The following RTKN2 variants were observed in gnomAD, a reference collection of about 807,000 sequenced individuals.
RTKN2 encodes rhotekin 2.
Under a neutral mutation model 71.5 loss-of-function variants are expected in RTKN2, and 69 were observed. The ratio of observed to expected loss-of-function variants is 0.96; its 90% CI spans 0.79 to 1.18. The LOEUF (loss-of-function observed/expected upper bound fraction) is 1.18, where lower values mean the gene tolerates loss of function less well. Among genes scored for constraint, RTKN2 ranks in the 50% most tolerant of loss-of-function variants. RTKN2 has a pLI of 0.00. For missense variants in RTKN2, 724 were observed against 719.7 expected (o/e 1.01, Z -0.07); for synonymous variants, 236 against 236.5 (o/e 1.00, Z 0.02).
In RTKN2 at chr10:62,193,483, T is replaced by A. The variant is rs1172692397; in HGVS notation, c.*4425A>T. 1 of 982,998 alleles carries A rather than the reference T, an allele frequency of 1.0e-6. No homozygotes were observed. The highest frequency in any genetic ancestry group is 1.7e-5 in the African/African-American group (1 of 57,186). The allele number at this position is 982,998 out of a possible 1,614,324, so 60.9% of individuals were successfully genotyped here. On this transcript the variant is annotated 3_prime_UTR_variant, in exon 12 of 12. Coordinates refer to ENST00000373789, the MANE Select transcript of RTKN2 (RefSeq NM_145307.4). ...TTGTTAATTGAATGTAAAGGTAGTTTGTTTCTCTAAGCACATTGATTAGTA... is the reference window on the plus strand; with the variant it reads ...TTGTTAATTGAATGTAAAGGTAGTTAGTTTCTCTAAGCACATTGATTAGTA...
chr10:62,268,665 AGCCCGCCCCT>A lies in RTKN2; in HGVS notation c.-65_-56del. On this transcript the variant is annotated 5_prime_UTR_variant, in exon 1 of 12. Coordinates refer to ENST00000373789, the MANE Select transcript of RTKN2 (RefSeq NM_145307.4). The stretch of plus-strand genomic sequence containing the variant: ...ACTCCTTCAAAGGGAAGATTTGAAA[AGCCCGCCCCT>A]GGCAGGAGCCGCAGAGGACGCCAAC... 1 of 1,520,526 alleles carries A rather than the reference AGCCCGCCCCT, an allele frequency of 6.6e-7. No individual in the cohort carries two copies. The highest frequency in any genetic ancestry group is 8.9e-7 in the Non-Finnish European group (1 of 1,124,080). The allele number at this position is 1,520,526 out of a possible 1,614,324, so 94.2% of individuals were successfully genotyped here.
Position 62,198,335 on chromosome 10 carries a change from G to A in RTKN2, c.1403C>T (p.Pro468Leu), listed in dbSNP as rs1446395534. 1.9e-6 allele frequency: 3 copies of A among 1,613,652 alleles called. No individual in the cohort carries two copies. The African/African-American group carries it at 4.0e-5, about 22-fold the overall frequency. Residue 468 changes from proline (P) to leucine (L), a missense_variant, in exon 12 of 12, where the codon CCT (proline) becomes CTT (leucine). By Grantham distance (98) the Pro-to-Leu change is moderately conservative. Transcript: ENST00000373789. Reference sequence around the variant, plus strand: ...ACCATCAAAGAGTGTGGCCCAAGGAGGTGGTAAGGATTCTTCATGCTGACC... The same window carrying A: ...ACCATCAAAGAGTGTGGCCCAAGGAAGTGGTAAGGATTCTTCATGCTGACC... ...LIGQHEESLP[P>L]PWATLFDGNH...
At chr10:62,205,817 TG>T (rs1841538028) in intron 9 of RTKN2, among the ~76,000 whole-genome samples, 1 of 152,090 alleles carries the variant, frequency 6.6e-6, no homozygotes, top group Admixed American at 6.5e-5. Flanking sequence ...CCATGCCACA[TG>T]GTAAGCTGGC....
At chr10:62,266,128 C>T (rs187882641) in intron 1 of RTKN2, among the ~76,000 whole-genome samples, 44 of 152,220 alleles carry the variant, frequency 2.9e-4, no homozygotes, top group Admixed American at 2.7e-3. Context: ...ACTGTCCTGA[C>T]GCTATAAGTA....
rs768623071 is a variant in RTKN2 at position 62,236,089 on chromosome 10, G to A, written c.663C>T (p.Cys221=). The stretch of plus-strand genomic sequence containing the variant: ...ACAAAACAGCAGAGCTGAGGAGCAA[G>A]CACATTTCATCATCCTCTTCTTGAA... The part of the protein sequence containing the change: ...SVLQEEDDEM[C]LLLSSAVFGV... Residue 221 remains cysteine (C), a synonymous_variant, in exon 6 of 12, where the codon TGC becomes TGT. Coordinates refer to ENST00000373789, the MANE Select transcript of RTKN2 (RefSeq NM_145307.4). 27 of 1,611,946 alleles carry A rather than the reference G, an allele frequency of 1.7e-5. No homozygotes were observed. Among genetic ancestry groups the A allele is most frequent in the Middle Eastern group, 1.7e-4 (1 of 5,962 alleles).
chr10:62,268,430 G>T (rs1842905007), intron 1 of RTKN2, 121 bp downstream of exon 1: 17 of 965,934 alleles, frequency 1.8e-5, no homozygotes, highest in Admixed American at 1.4e-4. Context: ...CTTTGTTTCT[G>T]GCCACCGCTG....
At chr10:62,205,286 T>A (rs1174474846) in intron 9 of RTKN2, among the ~76,000 whole-genome samples, 1 of 152,188 alleles carries the variant, frequency 6.6e-6, no homozygotes, top group African/African-American at 2.4e-5. Context: ...TTACATGAGA[T>A]TAAAACATAA....
At chr10:62,200,411 A>G (rs1332850170) in intron 10 of RTKN2, among the ~76,000 whole-genome samples, 1 of 150,942 alleles carries the variant, frequency 6.6e-6, no homozygotes, top group Admixed American at 6.6e-5. Context: ...AAGTACTTCT[A>G]TGCAAAGACA....
chr10:62,233,433 T>C (rs1842191900), intron 6 of RTKN2, among the ~76,000 whole-genome samples: 2 of 152,166 alleles, frequency 1.3e-5, no homozygotes, highest in Non-Finnish European at 2.9e-5. Flanking sequence ...GTCTTAGATC[T>C]AAGAGAAGAA....
At chr10:62,203,134 T>A (rs991332036) in intron 10 of RTKN2, among the ~76,000 whole-genome samples, 1 of 151,944 alleles carries the variant, frequency 6.6e-6, no homozygotes, top group African/African-American at 2.4e-5. Flanking sequence ...CACTCCAGCC[T>A]GGGCAAGAAG....
intron 7 of RTKN2, among the ~76,000 whole-genome samples, chr10:62,220,899 C>A (rs944177585): frequency 6.6e-6 from 1 of 151,578 alleles, no homozygotes; most frequent in Non-Finnish European, 1.5e-5. Flanking sequence ...CAATATTCAA[C>A]AAGAAAAAAT....
intron 2 of RTKN2, among the ~76,000 whole-genome samples, chr10:62,257,520 C>G (rs566247039): frequency 6.6e-6 from 1 of 152,284 alleles, no homozygotes; most frequent in Non-Finnish European, 1.5e-5. Context: ...AGATATGGCA[C>G]TTCAGTGTAA....
At chr10:62,224,544 A>G (rs1198864706) in intron 6 of RTKN2, among the ~76,000 whole-genome samples, 1 of 152,152 alleles carries the variant, frequency 6.6e-6, no homozygotes, top group Non-Finnish European at 1.5e-5. Flanking sequence ...TGGGCATTCA[A>G]TGGTAAACAA....
At chr10:62,225,273 A>C (rs79483756) in intron 6 of RTKN2, among the ~76,000 whole-genome samples, 7,715 of 152,300 alleles carry the variant, frequency 0.051, 222 homozygotes, top group African/African-American at 0.071. Flanking sequence ...AAGGTAGGAG[A>C]CTAATTTTGA....
At chr10:62,245,647 C>T (rs1842464328) in intron 3 of RTKN2, among the ~76,000 whole-genome samples, 1 of 152,090 alleles carries the variant, frequency 6.6e-6, no homozygotes, top group African/African-American at 2.4e-5. Flanking sequence ...ACATTAAAAA[C>T]ATTATTATAG....
intron 3 of RTKN2, among the ~76,000 whole-genome samples, chr10:62,243,138 C>G (rs1162075492): frequency 9.0e-6 from 1 of 111,662 alleles, no homozygotes; most frequent in African/African-American, 3.5e-5. Context: ...CCCCCCTCCC[C>G]CCACCCCACA....
At chr10:62,211,116 G>A (rs560500874) in intron 9 of RTKN2, among the ~76,000 whole-genome samples, 15 of 151,988 alleles carry the variant, frequency 9.9e-5, no homozygotes, top group Admixed American at 3.9e-4. Context: ...TTTTTTAACC[G>A]TCACACCCCT....
chr10:62,239,511 A>T, intron 5 of RTKN2, 137 bp downstream of exon 5: 1 of 471,100 alleles, frequency 2.1e-6, no homozygotes, highest in South Asian at 4.1e-5. Context: ...AATGATTTTT[A>T]AAATCATATT....
chr10:62,209,890 T>C (rs1293630957), intron 9 of RTKN2, among the ~76,000 whole-genome samples: 3 of 152,168 alleles, frequency 2.0e-5, no homozygotes, highest in Non-Finnish European at 4.4e-5. Flanking sequence ...GTTGATTCCA[T>C]GTCTTTGCTA....
Sources: allele counts gnomAD v4.1 joint callset (sites outside exome capture counted in the v4.1 genomes callset), GRCh38; gene constraint gnomAD v4.1.1; transcripts MANE v1.5; gene names NCBI Gene and HGNC (gene_info 2026-07-23, HGNC 2026-07-21).